The following B3GALT1 variants were observed in gnomAD, a reference collection of about 807,000 sequenced individuals.
B3GALT1 encodes UDP-Gal:betaGlcNAc beta 1,3-galactosyltransferase, polypeptide 1.
B3GALT1 carries 10 observed loss-of-function variants against 23.2 expected under a neutral mutation model. The observed-to-expected ratio is 0.43, with a 90% CI of 0.27 to 0.73. The LOEUF is 0.73. Among genes scored for constraint, B3GALT1 ranks in the 30% least tolerant of loss-of-function variants. The pLI is 0.21. For missense variants in B3GALT1, 299 were observed against 405.4 expected, an observed-to-expected ratio of 0.74 and a Z score of 2.25; for synonymous variants, 156 against 141.5, an observed-to-expected ratio of 1.10 and a Z score of -0.73.
At position 167,797,402 on chromosome 2, in the gene B3GALT1, A is replaced by T. The variant is rs188629463; in HGVS notation, c.-351-21270A>T. ...TTGATGGACATTTTGGGTTGATTCC[A>T]TGTCTTTGCTATTGTGAATAGTGCT... On this transcript the variant is annotated intron_variant, in intron 3 of 4. Transcript: ENST00000392690. Among the ~76,000 whole-genome samples, 3 of 152,322 alleles carry T rather than the reference A, an allele frequency of 2.0e-5. No individual in the cohort carries two copies. The East Asian group carries it at 5.8e-4, about 29-fold the overall frequency.
chr2:167,516,942 C>G (rs755268449), intron 2 of B3GALT1, among the ~76,000 whole-genome samples: 19 of 105,138 alleles, frequency 1.8e-4, no homozygotes, highest in Non-Finnish European at 2.7e-4. Flanking sequence ...ATAAGTACTT[C>G]TGTGTGTGTA....
intron 1 of B3GALT1, among the ~76,000 whole-genome samples, chr2:167,460,392 C>T (rs1699240756): frequency 6.6e-6 from 1 of 152,050 alleles, no homozygotes. Context: ...GCCTTTGACT[C>T]CTTCTGGTGA....
intron 1 of B3GALT1, among the ~76,000 whole-genome samples, chr2:167,367,530 A>G (rs963591505): frequency 2.0e-5 from 3 of 152,194 alleles, no homozygotes; most frequent in African/African-American, 7.2e-5. Context: ...TTGAGGATTA[A>G]GTGAATAAGA....
At chr2:167,500,146 C>G (rs1434253769) in intron 2 of B3GALT1, among the ~76,000 whole-genome samples, 1 of 152,034 alleles carries the variant, frequency 6.6e-6, no homozygotes, top group African/African-American at 2.4e-5. Context: ...TTTCCTAGTC[C>G]CTGGTAAAAG....
At chr2:167,375,278 G>C (rs778536410) in intron 1 of B3GALT1, among the ~76,000 whole-genome samples, 1 of 151,846 alleles carries the variant, frequency 6.6e-6, no homozygotes, top group South Asian at 2.1e-4. Context: ...AAAATGGTAT[G>C]TCTGGCTTTG....
intron 1 of B3GALT1, among the ~76,000 whole-genome samples, chr2:167,398,598 G>T (rs1324621563): frequency 1.3e-5 from 2 of 152,054 alleles, no homozygotes; most frequent in Non-Finnish European, 2.9e-5. Flanking sequence ...TGTTATGAAA[G>T]ACACATTTTG....
chr2:167,849,567 T>C (rs2105413247), intron 4 of B3GALT1, among the ~76,000 whole-genome samples: 1 of 152,252 alleles, frequency 6.6e-6, no homozygotes, highest in East Asian at 1.9e-4. Flanking sequence ...TCTCACCTTA[T>C]ACAAAAATCA....
At chr2:167,457,336 C>G (rs1040112194) in intron 1 of B3GALT1, among the ~76,000 whole-genome samples, 3 of 151,864 alleles carry the variant, frequency 2.0e-5, no homozygotes, top group African/African-American at 4.8e-5. Flanking sequence ...CCATGCCCAG[C>G]TAATTTTTGT....
intron 1 of B3GALT1, among the ~76,000 whole-genome samples, chr2:167,441,118 T>C (rs1349569928): frequency 6.6e-6 from 1 of 152,192 alleles, no homozygotes; most frequent in East Asian, 1.9e-4. Flanking sequence ...CAGGATTGGA[T>C]GGGGCATGTG....
At chr2:167,715,721 G>C in intron 3 of B3GALT1, 1 of 1,613,102 alleles carries the variant, frequency 6.2e-7, no homozygotes, top group East Asian at 2.2e-5. Context: ...CTCAAAGCTG[G>C]CATCCTCTAA....
rs144850011 is a variant in B3GALT1, at chr2:167,719,532, C to A, written c.-352+72566C>A. Among the ~76,000 whole-genome samples, 120 of 152,308 alleles carry A rather than the reference C, an allele frequency of 7.9e-4. 1 individual carries two copies. The highest frequency in any genetic ancestry group is 2.5e-3 in the African/African-American group (105 of 41,566). Reference sequence around the variant, plus strand: ...TGTTATAATAGAATCCTAGTCCCAACTTTATACCTGCAGAGGAAAAGCTTG... The same window carrying A: ...TGTTATAATAGAATCCTAGTCCCAAATTTATACCTGCAGAGGAAAAGCTTG... On this transcript the variant is annotated intron_variant, in intron 3 of 4. Transcript: ENST00000392690.
chr2:167,778,450 A>G (rs1688198362), intron 3 of B3GALT1, among the ~76,000 whole-genome samples: 1 of 152,156 alleles, frequency 6.6e-6, no homozygotes, highest in South Asian at 2.1e-4. Context: ...AGATCCAAGT[A>G]TTTAAACATT....
At chr2:167,525,234 G>T (rs948040283) in intron 2 of B3GALT1, among the ~76,000 whole-genome samples, 21 of 151,932 alleles carry the variant, frequency 1.4e-4, no homozygotes, top group African/African-American at 5.1e-4. Flanking sequence ...TTTTATATTT[G>T]TCAGTCTTTG....
intron 2 of B3GALT1, among the ~76,000 whole-genome samples, chr2:167,595,975 G>A (rs1156442989): frequency 6.6e-6 from 1 of 152,184 alleles, no homozygotes; most frequent in Non-Finnish European, 1.5e-5. Flanking sequence ...GAAAGGCAAA[G>A]CTCCTAGGAG....
At chr2:167,830,947 G>C (rs1444738442) in intron 4 of B3GALT1, among the ~76,000 whole-genome samples, 1 of 152,212 alleles carries the variant, frequency 6.6e-6, no homozygotes, top group Non-Finnish European at 1.5e-5. Context: ...ACATGGGTGA[G>C]CCTCTGAGCC....
rs1337774218 is a variant in B3GALT1 at position 167,873,478 on chromosome 2, A to ATCTC, written c.*3460_*3463dup. The stretch of plus-strand genomic sequence containing the variant: ...GCCAAGGAAGAAGTTTTTCGATCAA[A>ATCTC]TCTCTTCTATCAAAAGACAATGGAA... On this transcript the variant is annotated 3_prime_UTR_variant, in exon 5 of 5. Coordinates refer to ENST00000392690, the MANE Select transcript of B3GALT1 (RefSeq NM_020981.4). 1 of 152,166 alleles carries ATCTC rather than the reference A, an allele frequency of 6.6e-6. No individual in the cohort carries two copies. Among genetic ancestry groups the ATCTC allele is most frequent in the Non-Finnish European group, 1.5e-5 (1 of 68,020 alleles). 9.4% of individuals were successfully genotyped at this position (152,166 alleles called of 1,614,324 possible).
At position 167,394,640 on chromosome 2, in the gene B3GALT1, G is replaced by A. The variant is rs369483545; in HGVS notation, c.-510-95537G>A. Among the ~76,000 whole-genome samples the A allele has an allele frequency of 3.8e-4, 58 of 151,966 alleles. 1 individual carries two copies. Among genetic ancestry groups the A allele is most frequent in the Middle Eastern group, 6.8e-3 (2 of 294 alleles). The stretch of plus-strand genomic sequence containing the variant: ...TAAAAAGCATTATTTTCCATATTTC[G>A]TAACTAAGCGATAGGCAAAATAGGC... On this transcript the variant is annotated intron_variant, in intron 1 of 4. Transcript: ENST00000392690.
At chr2:167,380,846 A>G (rs1475051616) in intron 1 of B3GALT1, among the ~76,000 whole-genome samples, 16 of 151,958 alleles carry the variant, frequency 1.1e-4, no homozygotes, top group Admixed American at 3.3e-4. Flanking sequence ...CTTTTCATCA[A>G]TCAGATGCTA....
chr2:167,742,536 T>A (rs532355560), intron 3 of B3GALT1, among the ~76,000 whole-genome samples: 1 of 152,286 alleles, frequency 6.6e-6, no homozygotes, highest in East Asian at 1.9e-4. Flanking sequence ...AATATGGGTG[T>A]GTAGCGGCAT....
Sources: gnomAD v4.1 joint callset for allele counts (sites outside exome capture counted in the v4.1 genomes callset) on GRCh38, gnomAD v4.1.1 for gene constraint, MANE v1.5 for transcripts, NCBI Gene and HGNC (gene_info 2026-07-23, HGNC 2026-07-21) for gene names.